MAGED1: variants seen among roughly 807,000 people sequenced by gnomAD.
The protein encoded by MAGED1 is MAGE family member D1.
In MAGED1, 3 loss-of-function variants were observed where a neutral mutation model predicts 54.1. That is an observed-to-expected ratio of 0.06 (90% confidence interval 0.03 to 0.14). The LOEUF (loss-of-function observed/expected upper bound fraction) is 0.14. MAGED1 is among the 10% of genes least tolerant of loss of function. The pLI is 1.00. For synonymous variants in MAGED1, 217 were observed against 227.3 expected (o/e 0.95, Z 0.41); for missense variants, 485 against 623.4 (o/e 0.78, Z 2.36).
At chrX:51,885,124 T>G (rs1446196769) in intron 1 of MAGED1, among the ~76,000 whole-genome samples, 2 of 111,947 alleles carry the variant, frequency 1.8e-5, no homozygotes. Flanking sequence ...CAGTTCTGTT[T>G]TTAGTTTTTT....
chrX:51,815,366 AGGTGGAAGACAGTGATATT>A lies in MAGED1; in HGVS notation c.-37+12254_-37+12272del, dbSNP rs1198635680. Among the ~76,000 whole-genome samples, 34 of 110,921 alleles carry A rather than the reference AGGTGGAAGACAGTGATATT, an allele frequency of 3.1e-4. 2 individuals carry two copies. Among genetic ancestry groups the A allele is most frequent in the African/African-American group, 1.0e-3 (32 of 30,507 alleles). ...GAACTTCCGGTGGGACAAGATGTGG[AGGTGGAAGACAGTGATATT>A]GGTGATCCTGACTGTGTAGGGTTAG... On this transcript the variant is annotated intron_variant, in intron 1 of 12. Coordinates refer to the MAGED1 transcript ENST00000375772.
chrX:51,843,425 T>A (rs1926580045), intron 1 of MAGED1, among the ~76,000 whole-genome samples: 1 of 111,342 alleles, frequency 9.0e-6, no homozygotes, highest in African/African-American at 3.3e-5. Context: ...GATGTAAGAC[T>A]GACAAGTGGT....
intron 1 of MAGED1, among the ~76,000 whole-genome samples, chrX:51,840,677 A>G (rs1451068121): frequency 9.3e-6 from 1 of 107,449 alleles, no homozygotes; most frequent in African/African-American, 3.4e-5. Flanking sequence ...GAGTGAGAAC[A>G]TGTGGTGTTT....
At position 51,847,721 on chromosome X, in the gene MAGED1, AGTCG is replaced by A. The variant is rs782411294; in HGVS notation, c.-37+44606_-37+44609del. Among the ~76,000 whole-genome samples the A allele has an allele frequency of 6.4e-3, 718 of 111,973 alleles. 1 individual carries two copies. Among genetic ancestry groups the A allele is most frequent in the Non-Finnish European group, 8.2e-3 (437 of 53,185 alleles). ...ACCCCATTCTCCCAGTGGGCAAACT[AGTCG>A]GAGATTCTCCGGGGGACCCTCCTCC... is the stretch of plus-strand genomic sequence containing the variant. On this transcript the variant is annotated intron_variant, in intron 1 of 12. Coordinates refer to the MAGED1 transcript ENST00000375772.
intron 1 of MAGED1, among the ~76,000 whole-genome samples, chrX:51,874,400 T>C (rs996159085): frequency 3.8e-4 from 42 of 111,214 alleles, no homozygotes; most frequent in Non-Finnish European, 5.5e-4. Context: ...CAGAATTGAT[T>C]GGTTGAAGGA....
At chrX:51,870,467 A>C (rs1281015073) in intron 1 of MAGED1, among the ~76,000 whole-genome samples, 1 of 111,884 alleles carries the variant, frequency 8.9e-6, no homozygotes, top group East Asian at 2.8e-4. Flanking sequence ...GCAGGATTCC[A>C]GAATTGTTTT....
Position 51,895,271 on chromosome X carries a change from A to G in MAGED1, c.264A>G (p.Pro88=). 3 of 1,211,433 alleles carry G rather than the reference A, an allele frequency of 2.5e-6. No homozygotes were observed. The highest frequency in any genetic ancestry group is 3.4e-6 in the Non-Finnish European group (3 of 895,313). Residue 88 remains proline (P), a synonymous_variant, in exon 3 of 13, where the codon CCA becomes CCG. Transcript: ENST00000326587. The part of the protein sequence containing the change: ...FKVQNATTKG[P]NGVYDFSQAH... ...TCCAGAATGCCACCACAAAAGGCCC[A>G]AATGGTGTCTATGATTTCTCTCAGG...
chrX:51,879,987 G>C (rs1928001431), intron 1 of MAGED1, among the ~76,000 whole-genome samples: 1 of 112,527 alleles, frequency 8.9e-6, no homozygotes, highest in African/African-American at 3.2e-5. Context: ...CTTAAGCAAT[G>C]TGTTCTTTTG....
intron 1 of MAGED1, among the ~76,000 whole-genome samples, chrX:51,820,246 T>C (rs1351974335): frequency 8.9e-6 from 1 of 111,928 alleles, no homozygotes; most frequent in African/African-American, 3.2e-5. Flanking sequence ...AAAAGGTGTT[T>C]TGACCATTTT....
intron 1 of MAGED1, among the ~76,000 whole-genome samples, chrX:51,821,857 AT>A (rs1419830563): frequency 8.1e-5 from 9 of 111,657 alleles, no homozygotes; most frequent in African/African-American, 2.9e-4. Flanking sequence ...TGTGGTTTTC[AT>A]TTTTTATGCT....
intron 1 of MAGED1, among the ~76,000 whole-genome samples, chrX:51,817,094 A>G (rs191825878): frequency 8.9e-6 from 1 of 112,176 alleles, no homozygotes; most frequent in African/African-American, 3.2e-5. Flanking sequence ...AAAATATCCC[A>G]TAGTGGGTAT....
intron 1 of MAGED1, among the ~76,000 whole-genome samples, chrX:51,831,783 C>T (rs868926416): frequency 4.5e-5 from 5 of 111,372 alleles, no homozygotes; most frequent in African/African-American, 1.6e-4. Context: ...GACATCCTCA[C>T]TGGGCTCTAT....
At chrX:51,859,120 T>A (rs1034654954) in intron 1 of MAGED1, among the ~76,000 whole-genome samples, 4 of 110,882 alleles carry the variant, frequency 3.6e-5, no homozygotes, top group Non-Finnish European at 7.6e-5. Flanking sequence ...TCTCTTTGAG[T>A]CTCACCTTGC....
At position 51,884,933 on chromosome X, in the gene MAGED1, G is replaced by T. The variant is rs183581286; in HGVS notation, c.-36-9336G>T. On this transcript the variant is annotated intron_variant, in intron 1 of 12. Transcript: ENST00000375772. ...CAACAGTTCATTTTTGCTAAAAACT[G>T]TCAGCAACCCACTAATAGAGAGTAA... Among the ~76,000 whole-genome samples, 194 of 112,293 alleles carry T rather than the reference G, an allele frequency of 1.7e-3. 1 individual carries two copies. The highest frequency in any genetic ancestry group is 6.2e-3 in the African/African-American group (191 of 31,014).
intron 1 of MAGED1, among the ~76,000 whole-genome samples, chrX:51,834,623 T>C (rs1926179684): frequency 8.9e-6 from 1 of 112,013 alleles, no homozygotes; most frequent in Non-Finnish European, 1.9e-5. Context: ...CTATGGATAC[T>C]TTTTATTTTT....
At chrX:51,845,362 A>G (rs1288371358) in intron 1 of MAGED1, among the ~76,000 whole-genome samples, 1 of 112,516 alleles carries the variant, frequency 8.9e-6, no homozygotes, top group African/African-American at 3.2e-5. Context: ...TCCAGAGGGT[A>G]GACCCTTGAG....
At chrX:51,825,749 A>C (rs1424099564) in intron 1 of MAGED1, among the ~76,000 whole-genome samples, 2 of 111,941 alleles carry the variant, frequency 1.8e-5, no homozygotes, top group African/African-American at 6.5e-5. Context: ...TTTCCTGAGC[A>C]TGCACACAGC....
At chrX:51,831,502 A>G (rs1202960273) in intron 1 of MAGED1, among the ~76,000 whole-genome samples, 16 of 111,157 alleles carry the variant, frequency 1.4e-4, no homozygotes, top group African/African-American at 4.9e-4. Context: ...GGTCCTAGCT[A>G]CTCAGGAGGC....
intron 1 of MAGED1, among the ~76,000 whole-genome samples, chrX:51,811,630 T>C (rs1455271769): frequency 2.7e-5 from 3 of 111,524 alleles, no homozygotes; most frequent in Non-Finnish European, 3.8e-5. Context: ...AAGAAAAGAT[T>C]CCAGGTGGGA....
Sources: gnomAD v4.1 joint callset for allele counts (sites outside exome capture counted in the v4.1 genomes callset) on GRCh38, gnomAD v4.1.1 for gene constraint, MANE v1.5 for transcripts, NCBI Gene and HGNC (gene_info 2026-07-23, HGNC 2026-07-21) for gene names.